Variants in VTI1A observed in about 807,000 individuals in gnomAD.
The protein encoded by VTI1A is vesicle transport through interaction with t-SNAREs 1A, also known as vesicle transport through interaction with t-SNAREs homolog 1A.
Under a neutral mutation model 34.9 loss-of-function variants are expected in VTI1A, and 22 were observed. The ratio of observed to expected loss-of-function variants is 0.63; its 90% CI spans 0.45 to 0.90. VTI1A has a LOEUF of 0.90. Ranked by LOEUF, VTI1A falls within the 40% of genes least tolerant of loss-of-function variation. The probability of loss-of-function intolerance (pLI) is 0.00; values close to 1 mark genes in which losing one functional copy is unlikely to be tolerated. For synonymous variants in VTI1A, 87 were observed against 97.3 expected (o/e 0.89, Z 0.62); for missense variants, 268 against 275.6 (o/e 0.97, Z 0.20).
intron 4 of VTI1A, among the ~76,000 whole-genome samples, chr10:112,536,422 T>C (rs1213291435): frequency 1.3e-5 from 2 of 152,194 alleles, no homozygotes; most frequent in African/African-American, 4.8e-5. Context: ...AAGAAAGCTA[T>C]TTTTGACAAG....
At position 112,492,750 on chromosome 10, in the gene VTI1A, G is replaced by A. The variant is rs551815704; in HGVS notation, c.264+28093G>A. Among the ~76,000 whole-genome samples the A allele has an allele frequency of 2.0e-5, 3 of 148,770 alleles. No individual in the cohort carries two copies. In the South Asian group the frequency reaches 6.3e-4, roughly 31 times the overall value. On this transcript the variant is annotated intron_variant, in intron 3 of 7. Transcript: ENST00000393077. ...TGTAGTGAGCCAAGACCACGCCACT[G>A]CACTCCAGCCTGGCAACAGTCTCAA...
intron 7 of VTI1A, among the ~76,000 whole-genome samples, chr10:112,679,847 A>G (rs1178511928): frequency 6.6e-6 from 1 of 151,994 alleles, no homozygotes; most frequent in Non-Finnish European, 1.5e-5. Flanking sequence ...GCTTTCCTGA[A>G]ACCACACTCC....
intron 7 of VTI1A, among the ~76,000 whole-genome samples, chr10:112,794,617 C>A (rs1159791525): frequency 6.6e-6 from 1 of 152,042 alleles, no homozygotes; most frequent in African/African-American, 2.4e-5. Flanking sequence ...CGCCTAGACA[C>A]AATCATTATT....
chr10:112,603,551 G>GT (rs1287258903), intron 5 of VTI1A, among the ~76,000 whole-genome samples: 2 of 151,924 alleles, frequency 1.3e-5, no homozygotes, highest in African/African-American at 2.4e-5. Context: ...TTCCCAGTAG[G>GT]TTTTTTTCCC....
At chr10:112,842,084 A>T in the VTI1A span, among the ~76,000 whole-genome samples, 1 of 75,922 alleles carries the variant, frequency 1.3e-5, no homozygotes, top group Non-Finnish European at 2.3e-5. Flanking sequence ...TTTTTTTGAG[A>T]CGGAGTCTCA....
At chr10:112,834,722 G>A in the VTI1A span, among the ~76,000 whole-genome samples, 7,512 of 152,320 alleles carry the variant, frequency 0.049, 262 homozygotes, top group Non-Finnish European at 0.072. Context: ...CTTCAGGCTG[G>A]AAGCTCGCTC....
At chr10:112,637,959 T>A (rs774821383) in intron 5 of VTI1A, among the ~76,000 whole-genome samples, 12 of 152,222 alleles carry the variant, frequency 7.9e-5, no homozygotes, top group Non-Finnish European at 1.5e-4. Context: ...ATTAATCACA[T>A]ATGCAAGCAT....
intron 7 of VTI1A, among the ~76,000 whole-genome samples, chr10:112,810,165 G>A (rs1000128419): frequency 1.9e-4 from 29 of 152,168 alleles, no homozygotes; most frequent in East Asian, 5.8e-4. Flanking sequence ...CACTTTGGGA[G>A]GCCAAGATGG....
intron 5 of VTI1A, among the ~76,000 whole-genome samples, chr10:112,647,058 C>T (rs1846820960): frequency 6.6e-6 from 1 of 152,174 alleles, no homozygotes; most frequent in Non-Finnish European, 1.5e-5. Context: ...TTTGCCCCCA[C>T]AGGCAAGTTG....
the VTI1A span, chr10:112,832,470 G>C: frequency 6.6e-6 from 1 of 152,276 alleles, no homozygotes; most frequent in African/African-American, 2.4e-5. Context: ...ATCCATTTTA[G>C]CCAAAGGGGC....
intron 7 of VTI1A, among the ~76,000 whole-genome samples, chr10:112,785,963 A>T (rs1470515218): frequency 6.6e-6 from 1 of 151,970 alleles, no homozygotes; most frequent in Non-Finnish European, 1.5e-5. Context: ...TAGTTGTTTC[A>T]TTTACATATA....
chr10:112,688,393 TTA>T (rs1848499928), intron 7 of VTI1A, among the ~76,000 whole-genome samples: 1 of 152,180 alleles, frequency 6.6e-6, no homozygotes, highest in Admixed American at 6.5e-5. Context: ...TCCCTTTTTT[TTA>T]GTTTTTACTT....
At chr10:112,839,213 C>G in the VTI1A span, among the ~76,000 whole-genome samples, 12 of 152,226 alleles carry the variant, frequency 7.9e-5, no homozygotes, top group African/African-American at 2.9e-4. Context: ...GGGCCAGCCC[C>G]TTTCCCTCCT....
At chr10:112,709,634 G>A in intron 7 of VTI1A, among the ~76,000 whole-genome samples, 1 of 149,394 alleles carries the variant, frequency 6.7e-6, no homozygotes, top group African/African-American at 2.5e-5. Context: ...TCAAAGAAAG[G>A]AGAGATCACA....
At chr10:112,495,165 G>A (rs982864743) in intron 3 of VTI1A, among the ~76,000 whole-genome samples, 5 of 138,260 alleles carry the variant, frequency 3.6e-5, no homozygotes, top group South Asian at 2.3e-4. Flanking sequence ...CCAATGGTCC[G>A]TTTCATTGAT....
chr10:112,552,268 C>T (rs1362505141), intron 5 of VTI1A, among the ~76,000 whole-genome samples: 1 of 152,196 alleles, frequency 6.6e-6, no homozygotes, highest in Non-Finnish European at 1.5e-5. Flanking sequence ...CAAATGCCAT[C>T]TACTTTCACC....
chr10:112,460,620 G>T, intron 2 of VTI1A, 38 bp downstream of exon 2: 1 of 1,528,398 alleles, frequency 6.5e-7, no homozygotes, highest in South Asian at 1.3e-5. Context: ...CACACAGCCA[G>T]AGCCGTTTAA....
intron 7 of VTI1A, among the ~76,000 whole-genome samples, chr10:112,686,628 C>T (rs1848426087): frequency 6.6e-6 from 1 of 151,758 alleles, no homozygotes; most frequent in African/African-American, 2.4e-5. Flanking sequence ...AAGTGTCCTT[C>T]TAAGTGGTAT....
At chr10:112,586,892 G>C (rs1589939454) in intron 5 of VTI1A, among the ~76,000 whole-genome samples, 1 of 152,150 alleles carries the variant, frequency 6.6e-6, no homozygotes, top group Non-Finnish European at 1.5e-5. Flanking sequence ...CAGTGGTTTT[G>C]AGCAGCAAAC....
Sources: gnomAD v4.1 joint callset for allele counts (sites outside exome capture counted in the v4.1 genomes callset) on GRCh38, gnomAD v4.1.1 for gene constraint, MANE v1.5 for transcripts, NCBI Gene and HGNC (gene_info 2026-07-23, HGNC 2026-07-21) for gene names.